Variants in C17orf78 observed in about 807,000 individuals in gnomAD.
C17orf78 encodes uncharacterized protein C17orf78.
Under a neutral mutation model 31.8 loss-of-function variants are expected in C17orf78, and 27 were observed. That is an observed-to-expected ratio of 0.85 (90% CI 0.63 to 1.17). The LOEUF is 1.17. C17orf78 is among the 50% of genes most tolerant of loss of function. The pLI is 0.00. For missense variants in C17orf78, 258 were observed against 315.2 expected (o/e 0.82, Z 1.37); for synonymous variants, 106 against 115.1 (o/e 0.92, Z 0.51).
chr17:37,376,309 A>G (rs2050000373), intron 1 of C17orf78, among the ~76,000 whole-genome samples, 159 bp downstream of exon 1: 1 of 152,212 alleles, frequency 6.6e-6, no homozygotes, highest in Non-Finnish European at 1.5e-5. Flanking sequence ...AAGGACTGCA[A>G]CTTATTCATT....
chr17:37,377,132 C>A (rs1418625097), intron 1 of C17orf78, among the ~76,000 whole-genome samples: 1 of 151,854 alleles, frequency 6.6e-6, no homozygotes, highest in Non-Finnish European at 1.5e-5. Flanking sequence ...ATAGAGATAC[C>A]AAGGTCAGAC....
rs2050019069 is a variant in C17orf78, at chr17:37,376,729, T to G, written c.58+579T>G. ...CAGCACTTTGGGAGGCCAAGATTGG[T>G]GGATCACCTGAGGTCAGGAGTTCGA... is the stretch of plus-strand genomic sequence containing the variant. On this transcript the variant is annotated intron_variant, in intron 1 of 6. Transcript: ENST00000615133. 2.0e-5 allele frequency among the ~76,000 whole-genome samples: 3 copies of G among 152,244 alleles called. No individual in the cohort carries two copies. The South Asian group carries it at 6.2e-4, about 32-fold the overall frequency.
chr17:37,388,868 A>C (rs908091838), intron 5 of C17orf78, 74 bp downstream of exon 5: 2 of 1,546,228 alleles, frequency 1.3e-6, no homozygotes, highest in African/African-American at 2.7e-5. Context: ...GCAGCTTGGC[A>C]TAAGGAGAAA....
chr17:37,378,012 A>T, intron 2 of C17orf78, 47 bp downstream of exon 2: 3 of 1,542,702 alleles, frequency 1.9e-6, no homozygotes, highest in Non-Finnish European at 2.7e-6. Context: ...ATTCCAAAAA[A>T]TTTTTACCTT....
At chr17:37,382,007 G>A (rs143080295) in intron 3 of C17orf78, among the ~76,000 whole-genome samples, 86 of 152,172 alleles carry the variant, frequency 5.7e-4, no homozygotes, top group Non-Finnish European at 9.3e-4. Flanking sequence ...AAACAATTCC[G>A]AAAACAATGA....
chr17:37,379,003 T>C, intron 2 of C17orf78, 134 bp from the exon 3 acceptor site: 1 of 1,104,532 alleles, frequency 9.1e-7, no homozygotes, highest in South Asian at 1.7e-5. Context: ...TCGAGGGAGT[T>C]TGAGGCTGGA....
intron 4 of C17orf78, chr17:37,387,986 G>A (rs568726759): frequency 6.6e-6 from 1 of 152,206 alleles, no homozygotes; most frequent in African/African-American, 2.4e-5. Context: ...AATATAATGA[G>A]ACTCTGTCTG....
chr17:37,388,352 C>A (rs56281903), intron 4 of C17orf78, among the ~76,000 whole-genome samples: 1 of 152,090 alleles, frequency 6.6e-6, no homozygotes. Flanking sequence ...AAGTTTAGAG[C>A]TCCATGTGTA....
At chr17:37,383,991 C>T (rs578145808) in intron 3 of C17orf78, among the ~76,000 whole-genome samples, 5 of 152,214 alleles carry the variant, frequency 3.3e-5, no homozygotes, top group African/African-American at 9.6e-5. Context: ...TAGAGCCGGG[C>T]GCGGTGTCTC....
intron 6 of C17orf78, among the ~76,000 whole-genome samples, chr17:37,390,175 T>TATATATATATATATATATACACAC (rs60788220): frequency 2.2e-5 from 1 of 44,508 alleles, no homozygotes; most frequent in African/African-American, 1.2e-4. Flanking sequence ...TATATATATA[T>TATATATATATATATATATACACAC]ACACACACAC....
intron 3 of C17orf78, among the ~76,000 whole-genome samples, chr17:37,384,821 A>T (rs1014245635): frequency 6.6e-6 from 1 of 152,204 alleles, no homozygotes; most frequent in Admixed American, 6.6e-5. Flanking sequence ...GCCTGGTACT[A>T]TGGCCACTGG....
chr17:37,377,699 AAATAAAAGT>A (rs2050066140), intron 1 of C17orf78, among the ~76,000 whole-genome samples, 171 bp from the exon 2 acceptor site: 2 of 144,514 alleles, frequency 1.4e-5, no homozygotes, highest in African/African-American at 5.2e-5. Context: ...ATAAATAAAT[AAATAAAAGT>A]AAAGTCTTTT....
chr17:37,377,537 G>C lies in C17orf78; in HGVS notation c.59-342G>C, dbSNP rs71382466. Among the ~76,000 whole-genome samples, 16 of 152,062 alleles carry C rather than the reference G, an allele frequency of 1.1e-4. No individual in the cohort carries two copies. The East Asian group carries it at 3.1e-3, about 29-fold the overall frequency. ...TAGCTGGGCATGGTGGTGCATGCCC[G>C]TAATCCCAGCTACTCGGGAGGCTGA... On this transcript the variant is annotated intron_variant, in intron 1 of 6. Transcript: ENST00000615133.
Position 37,388,664 on chromosome 17 carries a change from C to T in C17orf78, c.509-6C>T, listed in dbSNP as rs763182987. On this transcript the variant is annotated splice_region_variant and splice_polypyrimidine_tract_variant and intron_variant, in intron 4 of 6. Coordinates refer to ENST00000615133, the MANE Select transcript of C17orf78 (RefSeq NM_173625.5). The stretch of plus-strand genomic sequence containing the variant: ...TCTCCCTCTTCCACTCCCCTCTCTC[C>T]TTTAGACACAGATGAGAACCTAGAG... 63 of 1,611,368 alleles carry T rather than the reference C, an allele frequency of 3.9e-5. No homozygotes were observed. The Admixed American group carries it at 1.0e-3, about 26-fold the overall frequency.
chr17:37,379,631 T>A lies in C17orf78; in HGVS notation c.391+249T>A, dbSNP rs1436272636. 3.3e-5 allele frequency among the ~76,000 whole-genome samples: 5 copies of A among 151,838 alleles called. No homozygotes were observed. In the East Asian group the frequency reaches 9.6e-4, roughly 29 times the overall value. ...TGGGCAAAGGACATGAACAGACACT[T>A]CTCAAAAGAAGACATTTATGCAGCC... On this transcript the variant is annotated intron_variant, in intron 3 of 6. Transcript: ENST00000615133.
chr17:37,389,979 A>G (rs1450508761), intron 6 of C17orf78, among the ~76,000 whole-genome samples: 2 of 148,968 alleles, frequency 1.3e-5, no homozygotes, highest in African/African-American at 5.0e-5. Context: ...ATTGGAGTCA[A>G]GAATCTTACT....
At chr17:37,383,299 G>A (rs997107586) in intron 3 of C17orf78, among the ~76,000 whole-genome samples, 9 of 152,058 alleles carry the variant, frequency 5.9e-5, no homozygotes, top group Admixed American at 2.0e-4. Flanking sequence ...GGGGTTAAGG[G>A]GGAGGAGAGA....
rs372117169 is a variant in C17orf78, at chr17:37,379,267, T to G, written c.276T>G (p.His92Gln). 6.2e-7 allele frequency: 1 copy of G among 1,613,898 alleles called. No individual in the cohort carries two copies. The highest frequency in any genetic ancestry group is 8.5e-7 in the Non-Finnish European group (1 of 1,179,908). The change falls in exon 3 of 7, where the codon CAT becomes CAG. Residue 92 changes from histidine (H) to glutamine (Q), a missense_variant. Physicochemically the swap from His to Gln is conservative, Grantham distance 24 (BLOSUM62 0). Coordinates refer to ENST00000615133, the MANE Select transcript of C17orf78 (RefSeq NM_173625.5). ...TGGAGAGAAGGCCAAAGGTCAAGCA[T>G]ATTTTGAAGAACCTGAGAATCATTG... ...VYLERRPKVK[H>Q]ILKNLRIIAA...
chr17:37,390,793 C>CA lies in C17orf78; in HGVS notation c.751-839dup, dbSNP rs534003529. ...GGGAAAAAGGGTGAGACCCTGTGTC[C>CA]AAAAAAAAAAAAAAATTATCATTTC... On this transcript the variant is annotated intron_variant, in intron 6 of 6. Transcript: ENST00000615133. Among the ~76,000 whole-genome samples, 706 of 113,158 alleles carry CA rather than the reference C, an allele frequency of 6.2e-3. 3 individuals are homozygous for CA. Among genetic ancestry groups the CA allele is most frequent in the Admixed American group, 0.02 (216 of 11,028 alleles). 74.2% of individuals were successfully genotyped at this position (113,158 alleles called of 152,430 possible). A position where few individuals can be genotyped will look rare whatever the true frequency, so the allele number is the denominator to read the frequency against.
Sources: gnomAD v4.1 joint callset for allele counts (sites outside exome capture counted in the v4.1 genomes callset) on GRCh38, gnomAD v4.1.1 for gene constraint, MANE v1.5 for transcripts, NCBI Gene and HGNC (gene_info 2026-07-23, HGNC 2026-07-21) for gene names.